The following KHDC1 variants were observed in gnomAD, a reference collection of about 807,000 sequenced individuals.
KHDC1 encodes KH homology domain-containing protein 1.
Under a neutral mutation model 24.7 loss-of-function variants are expected in KHDC1, and 21 were observed. That is an observed-to-expected ratio of 0.85 (90% CI 0.60 to 1.23). KHDC1 has a LOEUF of 1.23. KHDC1 is among the 50% of genes most tolerant of loss of function. The probability of loss-of-function intolerance (pLI) is 0.00; values close to 1 mark genes in which losing one functional copy is unlikely to be tolerated. For missense variants in KHDC1, 274 were observed against 298.5 expected, an observed-to-expected ratio of 0.92 and a Z score of 0.61; for synonymous variants, 98 against 111.7, an observed-to-expected ratio of 0.88 and a Z score of 0.77.
At chr6:73,274,260 G>T (rs1035947108) in intron 2 of KHDC1, 1 of 152,170 alleles carries the variant, frequency 6.6e-6, no homozygotes, top group Non-Finnish European at 1.5e-5. Flanking sequence ...TTGCAAATAT[G>T]TATAGCGGGG....
chr6:73,276,578 G>A (rs1265467160), intron 2 of KHDC1: 1 of 151,908 alleles, frequency 6.6e-6, no homozygotes, highest in Non-Finnish European at 1.5e-5. Flanking sequence ...GAGGTGGGAA[G>A]ATCACTTGAG....
At chr6:73,250,028 T>C (rs1004057392) in intron 2 of KHDC1, among the ~76,000 whole-genome samples, 3 of 152,220 alleles carry the variant, frequency 2.0e-5, no homozygotes, top group Non-Finnish European at 4.4e-5. Flanking sequence ...CTTGAACAAA[T>C]GATAATCTAT....
At chr6:73,274,808 C>G (rs947244830) in intron 2 of KHDC1, 1 of 152,270 alleles carries the variant, frequency 6.6e-6, no homozygotes, top group East Asian at 1.9e-4. Flanking sequence ...TGGGAAACAA[C>G]TGGAGCAAAG....
At chr6:73,263,178 G>A in intron 2 of KHDC1, 1 of 987,766 alleles carries the variant, frequency 1.0e-6, no homozygotes, top group Non-Finnish European at 1.2e-6. Flanking sequence ...GGCCGCGCGA[G>A]GCGCGCTCGA....
At chr6:73,245,226 G>A (rs1184051565) in intron 2 of KHDC1, among the ~76,000 whole-genome samples, 1 of 152,072 alleles carries the variant, frequency 6.6e-6, no homozygotes, top group African/African-American at 2.4e-5. Flanking sequence ...TGGTTTGATC[G>A]TCTTCTTCTA....
intron 2 of KHDC1, chr6:73,270,298 C>T (rs983655621): frequency 6.6e-6 from 1 of 152,000 alleles, no homozygotes; most frequent in Non-Finnish European, 1.5e-5. Flanking sequence ...AAGTATTGTA[C>T]TATTTAGTAC....
chr6:73,292,655 T>A (rs2150733660), intron 1 of KHDC1: 1 of 754,984 alleles, frequency 1.3e-6, no homozygotes, highest in South Asian at 1.4e-5. Context: ...GATAATATTG[T>A]TGATCTCTTC....
At chr6:73,295,675 A>G (rs1299892325) in intron 1 of KHDC1, among the ~76,000 whole-genome samples, 1 of 151,862 alleles carries the variant, frequency 6.6e-6, no homozygotes, top group African/African-American at 2.4e-5. Flanking sequence ...GTGAAACCCC[A>G]TCTTTACTAA....
chr6:73,284,450 C>T (rs963741205), intron 2 of KHDC1, among the ~76,000 whole-genome samples: 4 of 152,176 alleles, frequency 2.6e-5, no homozygotes, highest in Admixed American at 2.6e-4. Context: ...GACCATTTTC[C>T]ACACCCCTAA....
intron 2 of KHDC1, among the ~76,000 whole-genome samples, chr6:73,277,257 G>C (rs1025497613): frequency 2.0e-5 from 3 of 152,164 alleles, no homozygotes; most frequent in African/African-American, 7.2e-5. Flanking sequence ...CTGAGGTCAG[G>C]AGTTCCAGAC....
chr6:73,276,620 T>C (rs1297184212), intron 2 of KHDC1: 1 of 152,162 alleles, frequency 6.6e-6, no homozygotes, highest in African/African-American at 2.4e-5. Flanking sequence ...TGAGCAGTGG[T>C]TGCACCACCT....
At chr6:73,303,026 G>A (rs774666996) in intron 1 of KHDC1, among the ~76,000 whole-genome samples, 3 of 152,154 alleles carry the variant, frequency 2.0e-5, no homozygotes, top group Non-Finnish European at 2.9e-5. Flanking sequence ...GCAGTGAGTC[G>A]ACATTGTGCC....
intron 2 of KHDC1, among the ~76,000 whole-genome samples, chr6:73,248,652 G>A (rs750808377): frequency 2.6e-5 from 4 of 152,208 alleles, no homozygotes; most frequent in South Asian, 4.1e-4. Context: ...TCAGTGAGGC[G>A]AAGCATCAGG....
intron 2 of KHDC1, among the ~76,000 whole-genome samples, chr6:73,245,722 T>A (rs977838197): frequency 6.6e-6 from 1 of 152,184 alleles, no homozygotes; most frequent in African/African-American, 2.4e-5. Context: ...TTGGAGCTGT[T>A]TTTTTAATAA....
chr6:73,283,127 C>T (rs546358083), intron 2 of KHDC1, among the ~76,000 whole-genome samples: 1 of 152,222 alleles, frequency 6.6e-6, no homozygotes, highest in East Asian at 1.9e-4. Context: ...TTACTCATAC[C>T]TTCCTTTTCC....
chr6:73,262,989 A>G, intron 2 of KHDC1: 1 of 1,008,884 alleles, frequency 9.9e-7, no homozygotes, highest in South Asian at 4.1e-5. Flanking sequence ...GACGGTAGGA[A>G]TGAAGGAGGT....
intron 2 of KHDC1, among the ~76,000 whole-genome samples, chr6:73,289,663 G>GA (rs1460446488): frequency 6.9e-6 from 1 of 145,354 alleles, no homozygotes; most frequent in African/African-American, 2.5e-5. Flanking sequence ...ACAAACAACA[G>GA]AAAAAAGAAA....
At chr6:73,242,671 T>G in intron 2 of KHDC1, 141 bp from the exon 2 acceptor site, 1 of 905,088 alleles carries the variant, frequency 1.1e-6, no homozygotes, top group Non-Finnish European at 1.6e-6. Flanking sequence ...ACAATCCCGG[T>G]ATCTCTTCCC....
intron 2 of KHDC1, among the ~76,000 whole-genome samples, chr6:73,290,106 C>CAA (rs140342387): frequency 0.06 from 5,115 of 85,928 alleles, 484 homozygotes; most frequent in African/African-American, 0.19. Flanking sequence ...GACTCCGTCT[C>CAA]AAAAAAAAAA....
Sources: allele counts gnomAD v4.1 joint callset (sites outside exome capture counted in the v4.1 genomes callset), GRCh38; gene constraint gnomAD v4.1.1; transcripts MANE v1.5; gene names NCBI Gene and HGNC (gene_info 2026-07-23, HGNC 2026-07-21).